The following RGS7 variants were observed in gnomAD, a reference collection of about 807,000 sequenced individuals.
The protein encoded by RGS7 is regulator of G protein signaling 7, also known as regulator of G-protein signaling 7.
In RGS7, 27 loss-of-function variants were observed where a neutral mutation model predicts 81.1. The observed-to-expected ratio is 0.33, with a 90% CI of 0.25 to 0.46. RGS7 has a LOEUF of 0.46. Ranked by LOEUF, RGS7 falls within the 20% of genes least tolerant of loss-of-function variation. RGS7 has a pLI of 1.00. For synonymous variants in RGS7, 208 were observed against 207.7 expected, an observed-to-expected ratio of 1.00 and a Z score of -0.01; for missense variants, 396 against 607.4, an observed-to-expected ratio of 0.65 and a Z score of 3.66.
intron 3 of RGS7, among the ~76,000 whole-genome samples, chr1:241,081,793 A>G (rs1156596203): frequency 6.6e-6 from 1 of 152,238 alleles, no homozygotes. Flanking sequence ...TCCATCATTA[A>G]TGATTTACTG....
At chr1:241,333,116 CA>C (rs1487152385) in intron 2 of RGS7, among the ~76,000 whole-genome samples, 3 of 152,208 alleles carry the variant, frequency 2.0e-5, no homozygotes, top group African/African-American at 7.2e-5. Context: ...TAGTTTAGAA[CA>C]GACTTCAAAA....
Position 241,029,015 on chromosome 1 carries a change from C to G in RGS7, c.176-45886G>C, listed in dbSNP as rs74149589. Among the ~76,000 whole-genome samples, 1,024 of 152,026 alleles carry G rather than the reference C, an allele frequency of 6.7e-3. 16 individuals are homozygous for G. The highest frequency in any genetic ancestry group is 0.023 in the African/African-American group (970 of 41,476). On this transcript the variant is annotated intron_variant, in intron 3 of 18. Transcript: ENST00000440928. ...GGATGTTCCAGCCAAGAGATTGGAC[C>G]AACGTGGGCAGGCGGGAGAAATCAA...
chr1:241,355,861 A>C, intron 1 of RGS7, 35 bp from the exon 2 acceptor site: 1 of 1,092,934 alleles, frequency 9.1e-7, no homozygotes, highest in East Asian at 2.4e-5. Flanking sequence ...GTGAGATCCC[A>C]GTGGGACTCC....
intron 3 of RGS7, among the ~76,000 whole-genome samples, chr1:241,030,035 G>A (rs775161972): frequency 8.5e-5 from 13 of 152,050 alleles, no homozygotes; most frequent in Admixed American, 2.0e-4. Flanking sequence ...TATAGCTTCC[G>A]TGTTTGCTCA....
At chr1:240,896,623 G>A (rs917608884) in intron 6 of RGS7, among the ~76,000 whole-genome samples, 1 of 152,124 alleles carries the variant, frequency 6.6e-6, no homozygotes, top group Non-Finnish European at 1.5e-5. Flanking sequence ...TGAGGGCTCC[G>A]TTCTGTTCCA....
At chr1:240,893,481 A>G (rs1391318170) in intron 6 of RGS7, among the ~76,000 whole-genome samples, 2 of 152,170 alleles carry the variant, frequency 1.3e-5, no homozygotes, top group Non-Finnish European at 2.9e-5. Context: ...CATAGTATTT[A>G]AAAACAAATA....
intron 9 of RGS7, among the ~76,000 whole-genome samples, chr1:240,846,011 A>G (rs944666078): frequency 1.3e-5 from 2 of 152,194 alleles, no homozygotes; most frequent in African/African-American, 4.8e-5. Context: ...TATGTATTTA[A>G]TGTCATCCAA....
chr1:240,915,377 A>C (rs981923932), intron 6 of RGS7, among the ~76,000 whole-genome samples: 1 of 152,106 alleles, frequency 6.6e-6, no homozygotes, highest in Non-Finnish European at 1.5e-5. Flanking sequence ...GGTCCTAATC[A>C]TCAGATTATA....
rs1356076470 is a variant in RGS7 at position 241,160,131 on chromosome 1, GAAAA to G, written c.79-61373_79-61370del. Among the ~76,000 whole-genome samples the G allele has an allele frequency of 2.3e-5, 3 of 130,432 alleles. No individual in the cohort carries two copies. The East Asian group carries it at 6.4e-4, about 28-fold the overall frequency. The allele number at this position is 130,432 out of a possible 152,430, so 85.6% of individuals were successfully genotyped here. A position where few individuals can be genotyped will look rare whatever the true frequency, so the allele number is the denominator to read the frequency against. On this transcript the variant is annotated intron_variant, in intron 2 of 18. Transcript: ENST00000440928. ...ATCTCAAAAAAAAAAAAAAAAAAAA[GAAAA>G]AGAAAAAGAAAAAGAAATAGGGTTT...
intron 4 of RGS7, among the ~76,000 whole-genome samples, chr1:240,951,253 G>A (rs1179577383): frequency 6.6e-6 from 1 of 151,896 alleles, no homozygotes; most frequent in Non-Finnish European, 1.5e-5. Flanking sequence ...TACAAGGCAG[G>A]CAAAAAAGTA....
intron 3 of RGS7, among the ~76,000 whole-genome samples, chr1:241,043,557 A>G (rs1370196237): frequency 1.4e-5 from 2 of 147,444 alleles, no homozygotes; most frequent in East Asian, 3.9e-4. Context: ...ATAATATTAT[A>G]TAGTTATATT....
At chr1:240,892,332 A>T (rs951798411) in intron 6 of RGS7, among the ~76,000 whole-genome samples, 6 of 152,234 alleles carry the variant, frequency 3.9e-5, no homozygotes, top group African/African-American at 1.4e-4. Context: ...ATGTCCCTTA[A>T]AATTTCTCTA....
intron 2 of RGS7, among the ~76,000 whole-genome samples, chr1:241,183,746 A>G (rs904727136): frequency 6.6e-6 from 1 of 152,214 alleles, no homozygotes; most frequent in African/African-American, 2.4e-5. Context: ...AAGAGGCTCT[A>G]TGTAGTAAAA....
At chr1:241,065,140 C>T (rs1336217675) in intron 3 of RGS7, among the ~76,000 whole-genome samples, 1 of 151,500 alleles carries the variant, frequency 6.6e-6, no homozygotes. Flanking sequence ...TTGATTTTCT[C>T]AGCTATAAAA....
chr1:241,340,743 G>A (rs966630052), intron 2 of RGS7, among the ~76,000 whole-genome samples: 3 of 151,812 alleles, frequency 2.0e-5, no homozygotes, highest in Non-Finnish European at 2.9e-5. Flanking sequence ...GAAGATAAAA[G>A]AAAAATAAAT....
chr1:240,780,653 C>T (rs959523693), intron 18 of RGS7, among the ~76,000 whole-genome samples: 4 of 151,892 alleles, frequency 2.6e-5, no homozygotes, highest in African/African-American at 9.7e-5. Context: ...CGGTGGCTGA[C>T]GCCTGTAATC....
chr1:241,265,024 C>G (rs1573418136), intron 2 of RGS7, among the ~76,000 whole-genome samples: 1 of 152,178 alleles, frequency 6.6e-6, no homozygotes, highest in Non-Finnish European at 1.5e-5. Context: ...TGAGTGGCGG[C>G]CTTCAGTTCC....
chr1:241,170,691 T>C (rs1375305456), intron 2 of RGS7, among the ~76,000 whole-genome samples: 1 of 152,192 alleles, frequency 6.6e-6, no homozygotes, highest in Non-Finnish European at 1.5e-5. Flanking sequence ...GATGGAGATC[T>C]GGAGGGAGCA....
rs796519698 is a variant in RGS7 at position 241,160,936 on chromosome 1, T to C, written c.79-62174A>G. Reference sequence around the variant, plus strand: ...TACTGGTGTGAAATCAGAAGGAGTATGGTGGATAATGCATTTTGAATCCGG... The same window carrying C: ...TACTGGTGTGAAATCAGAAGGAGTACGGTGGATAATGCATTTTGAATCCGG... On this transcript the variant is annotated intron_variant, in intron 2 of 18. Coordinates refer to ENST00000440928, the MANE Select transcript of RGS7 (RefSeq NM_001364886.1). Among the ~76,000 whole-genome samples, 95 of 152,218 alleles carry C rather than the reference T, an allele frequency of 6.2e-4. 1 individual carries two copies. Among genetic ancestry groups the C allele is most frequent in the African/African-American group, 2.2e-3 (93 of 41,558 alleles).
Sources: allele counts gnomAD v4.1 joint callset (sites outside exome capture counted in the v4.1 genomes callset), GRCh38; gene constraint gnomAD v4.1.1; transcripts MANE v1.5; gene names NCBI Gene and HGNC (gene_info 2026-07-23, HGNC 2026-07-21).